ZNF606: variants seen among roughly 807,000 people sequenced by gnomAD.
ZNF606 encodes zinc finger protein 606.
Under a neutral mutation model 74.9 loss-of-function variants are expected in ZNF606, and 37 were observed. That is an observed-to-expected ratio of 0.49 (90% confidence interval 0.38 to 0.65). The LOEUF is 0.65. Ranked by LOEUF, ZNF606 falls within the 30% of genes least tolerant of loss-of-function variation. The probability of loss-of-function intolerance (pLI) is 0.00; values close to 1 mark genes in which losing one functional copy is unlikely to be tolerated. For synonymous variants in ZNF606, 328 were observed against 312.4 expected, an observed-to-expected ratio of 1.05 and a Z score of -0.53; for missense variants, 852 against 952.9, an observed-to-expected ratio of 0.89 and a Z score of 1.39.
chr19:57,979,552 T>C lies in ZNF606; in HGVS notation c.1128A>G (p.Glu376=), dbSNP rs2073047307. ...GTVEKAYKYN[E]WEKVFGYDSF... ...AGTCATACCCAAAGACTTTCTCCCATTCATTGTATTTATACGCTTTCTCTA... is the reference window on the plus strand; with the variant it reads ...AGTCATACCCAAAGACTTTCTCCCACTCATTGTATTTATACGCTTTCTCTA... Residue 376 remains glutamate (E), a synonymous_variant, in exon 7 of 7, where the codon GAA becomes GAG. Transcript: ENST00000551380. 1 of 1,612,980 alleles carries C rather than the reference T, an allele frequency of 6.2e-7. No individual in the cohort carries two copies. The highest frequency in any genetic ancestry group is 8.5e-7 in the Non-Finnish European group (1 of 1,179,504).
rs564444309 is a variant in ZNF606, at chr19:57,980,715, G to A, written c.401-436C>T. On this transcript the variant is annotated intron_variant, in intron 6 of 6. Transcript: ENST00000551380. ...CCAGGTGTGGTGGCGGGTGCCTGTA[G>A]TCCCAGCTGCTCAGGAGGCTGAGGC... Among the ~76,000 whole-genome samples, 251 of 151,918 alleles carry A rather than the reference G, an allele frequency of 1.7e-3. 1 individual carries two copies. The highest frequency in any genetic ancestry group is 2.7e-3 in the Non-Finnish European group (184 of 67,970).
In ZNF606 at chr19:58,001,314, T is replaced by C. The variant is rs1236012428; in HGVS notation, c.6A>G (p.Ala2=). Residue 2 remains alanine, a synonymous_variant, in exon 2 of 7, where the codon GCA becomes GCG. Coordinates refer to ENST00000551380, the MANE Select transcript of ZNF606 (RefSeq NM_001348022.3). ...CCCAGGAGGCCCACGGGTTGATGGC[T>C]GCCATCCCGAGGACTGATTGACCAG... M[A]AINPWASWGA... is the part of the protein sequence containing the mutation. 1.2e-6 allele frequency: 2 copies of C among 1,614,066 alleles called. No homozygotes were observed. The highest frequency in any genetic ancestry group is 4.5e-5 in the East Asian group (2 of 44,902).
At chr19:57,982,609 A>G (rs541250567) in intron 6 of ZNF606, among the ~76,000 whole-genome samples, 44 of 152,112 alleles carry the variant, frequency 2.9e-4, no homozygotes, top group Admixed American at 1.3e-3. Flanking sequence ...TACTATATGT[A>G]ATTTCCCCCC....
intron 6 of ZNF606, among the ~76,000 whole-genome samples, chr19:57,986,263 C>T (rs2073162198): frequency 1.3e-5 from 2 of 152,126 alleles, no homozygotes; most frequent in African/African-American, 2.4e-5. Context: ...GAGGCAGGGG[C>T]ATCACTTGAG....
In ZNF606 at chr19:57,979,773, GTA is replaced by G; in HGVS notation, c.905_906del (p.Ile302ThrfsTer4). Reference sequence around the variant, plus strand: ...TGAATTCCTTTATGATCACCAAAATGTATTATATGATTGAAAGATTTAACAGC... The same window carrying G: ...TGAATTCCTTTATGATCACCAAAATGTTATATGATTGAAAGATTTAACAGC... ...TDAVKSFNHI[I>X]HFGDHKGIHT... On this transcript the variant is annotated frameshift_variant, in exon 7 of 7. Transcript: ENST00000551380. LOFTEE classifies it high-confidence loss of function. 1 of 1,613,436 alleles carries G rather than the reference GTA, an allele frequency of 6.2e-7. No individual in the cohort carries two copies. The highest frequency in any genetic ancestry group is 8.5e-7 in the Non-Finnish European group (1 of 1,179,982).
intron 6 of ZNF606, among the ~76,000 whole-genome samples, chr19:57,987,638 G>A (rs1203552027): frequency 1.3e-5 from 2 of 152,014 alleles, no homozygotes; most frequent in African/African-American, 4.8e-5. Flanking sequence ...GACCAGCCCA[G>A]CCAACATGGT....
intron 6 of ZNF606, among the ~76,000 whole-genome samples, chr19:57,983,546 C>A (rs1259214028): frequency 1.3e-5 from 2 of 151,264 alleles, no homozygotes; most frequent in East Asian, 3.9e-4. Context: ...CCATTGCACT[C>A]CAGCCTGGGC....
Position 57,978,398 on chromosome 19 carries a change from T to C in ZNF606, c.2282A>G (p.Glu761Gly). 1 of 1,613,634 alleles carries C rather than the reference T, an allele frequency of 6.2e-7. No homozygotes were observed. Residue 761 changes from glutamate (E) to glycine (G), a missense_variant, in exon 7 of 7, where the codon GAG becomes GGG. Around this residue, in one of 3 missense-constraint regions of ZNF606, gnomAD observed 64 missense variants for 51.1 expected, o/e 1.25. Transcript: ENST00000551380. This position sits in a 1 kb window ranked among gnomAD's most constrained non-coding sequence, Gnocchi z 4.4. ...ACATTCACTGCATATAAAGCGTTTC[T>C]CTCCACTATGCATTCTCTGATGAAT... ...LIIHQRMHSG[E>G]KRFICSECGK...
chr19:57,990,297 G>A (rs1325289442), intron 4 of ZNF606, among the ~76,000 whole-genome samples: 32 of 151,572 alleles, frequency 2.1e-4, no homozygotes, highest in Non-Finnish European at 3.7e-4. Context: ...CCCAGGAGGC[G>A]GAGCTGGCAG....
At chr19:58,001,425 T>A in intron 1 of ZNF606, 55 bp from the exon 2 acceptor site, 1 of 1,418,032 alleles carries the variant, frequency 7.1e-7, no homozygotes, top group Non-Finnish European at 9.8e-7. Flanking sequence ...GAAGACCAAG[T>A]GGGAACAAAG....
Position 57,988,271 on chromosome 19 carries a change from G to A in ZNF606, c.336C>T (p.Ser112=), listed in dbSNP as rs1362989822. The change falls in exon 6 of 7, where the codon TCC becomes TCT. Residue 112 remains serine, a synonymous_variant. Coordinates refer to ENST00000551380, the MANE Select transcript of ZNF606 (RefSeq NM_001348022.3). ...GNQIAKPEVI[S]LLEQGEEPWS... The stretch of plus-strand genomic sequence containing the variant: ...ACGGCTCTTCTCCTTGCTCCAACAG[G>A]GAGATGACCTCAGGCTTGGCAATCT... 2 of 1,613,912 alleles carry A rather than the reference G, an allele frequency of 1.2e-6. No homozygotes were observed. The highest frequency in any genetic ancestry group is 1.7e-6 in the Non-Finnish European group (2 of 1,180,012).
chr19:58,000,759 T>C lies in ZNF606; in HGVS notation c.32-20A>G, dbSNP rs751646576. 1 of 1,551,526 alleles carries C rather than the reference T, an allele frequency of 6.4e-7. No individual in the cohort carries two copies. The highest frequency in any genetic ancestry group is 1.2e-5 in the South Asian group (1 of 82,114). The stretch of plus-strand genomic sequence containing the variant: ...GGGCACCTGCACAGAAGGATCAGGT[T>C]AGGACTGTGACACCAAACCTAGTGA... On this transcript the variant is annotated intron_variant, in intron 2 of 6. Coordinates refer to ENST00000551380, the MANE Select transcript of ZNF606 (RefSeq NM_001348022.3).
At chr19:57,991,523 G>A (rs1040016000) in intron 4 of ZNF606, among the ~76,000 whole-genome samples, 1 of 152,154 alleles carries the variant, frequency 6.6e-6, no homozygotes, top group African/African-American at 2.4e-5. Context: ...GTAACATGGA[G>A]TTGGGAGTGG....
chr19:57,986,983 A>G (rs1391817172), intron 6 of ZNF606, among the ~76,000 whole-genome samples: 1 of 152,024 alleles, frequency 6.6e-6, no homozygotes, highest in Non-Finnish European at 1.5e-5. Flanking sequence ...CCAGCTACCT[A>G]GGAGGCTGAG....
At chr19:58,000,858 G>GAC (rs2123351480) in intron 2 of ZNF606, 119 bp from the exon 3 acceptor site, 9 of 957,732 alleles carry the variant, frequency 9.4e-6, no homozygotes, top group Admixed American at 2.9e-5. Flanking sequence ...AGAGCCCAAG[G>GAC]GTGTGTAAAA....
In ZNF606 at chr19:57,978,108, G is replaced by C. The variant is rs2073016903; in HGVS notation, c.*193C>G. 1.3e-5 allele frequency: 7 copies of C among 519,550 alleles called. No individual in the cohort carries two copies. The South Asian group carries it at 2.8e-4, about 20-fold the overall frequency. 32.2% of individuals were successfully genotyped at this position (519,550 alleles called of 1,614,324 possible). On this transcript the variant is annotated 3_prime_UTR_variant, in exon 7 of 7. Transcript: ENST00000551380. The surrounding 1 kb of genome is among the most constrained non-coding windows in gnomAD (Gnocchi z 4.4). ...TGTTAATTATCTGATTTTGAGTAAGGGCTAAATAACTGCTGAAAGCTTTTC... is the reference window on the plus strand; with the variant it reads ...TGTTAATTATCTGATTTTGAGTAAGCGCTAAATAACTGCTGAAAGCTTTTC...
intron 6 of ZNF606, among the ~76,000 whole-genome samples, chr19:57,981,546 C>T (rs985081089): frequency 6.6e-6 from 1 of 152,198 alleles, no homozygotes; most frequent in African/African-American, 2.4e-5. Flanking sequence ...CATGAGTGCT[C>T]TCACTTCTGT....
chr19:57,982,525 C>T (rs367953117), intron 6 of ZNF606, among the ~76,000 whole-genome samples: 23 of 152,332 alleles, frequency 1.5e-4, no homozygotes, highest in South Asian at 1.2e-3. Flanking sequence ...CAGATTGCTA[C>T]AGGGTCTAAA....
chr19:57,988,461 G>C, intron 5 of ZNF606, 134 bp downstream of exon 5: 1 of 1,442,912 alleles, frequency 6.9e-7, no homozygotes, highest in Non-Finnish European at 9.4e-7. Context: ...TTTCATCCCT[G>C]AACCTCAGGG....
Sources: allele counts gnomAD v4.1 joint callset (sites outside exome capture counted in the v4.1 genomes callset), GRCh38; gene constraint gnomAD v4.1.1; regional missense constraint gnomAD v4.1.1; non-coding constraint Gnocchi (gnomAD v3.1); transcripts MANE v1.5; gene names NCBI Gene and HGNC (gene_info 2026-07-23, HGNC 2026-07-21).